The following LAYN variants were observed in gnomAD, a reference collection of about 807,000 sequenced individuals.
LAYN encodes the protein layilin.
LAYN carries 38 observed loss-of-function variants against 43.6 expected under a neutral mutation model. The observed-to-expected ratio is 0.87, with a 90% confidence interval of 0.67 to 1.14. LAYN has a LOEUF of 1.14. LAYN is among the 50% of genes most tolerant of loss of function. LAYN has a pLI of 0.00. For missense variants in LAYN, 479 were observed against 463.8 expected (o/e 1.03, Z -0.30); for synonymous variants, 168 against 172.9 (o/e 0.97, Z 0.22).
rs745801895 is a variant in LAYN, at chr11:111,557,552, A to G, written c.670A>G (p.Asn224Asp). The change falls in exon 6 of 7, where the codon AAT becomes GAT. Residue 224 changes from asparagine (N) to aspartate (D), a missense_variant. Physicochemically the swap from Asn to Asp is conservative, Grantham distance 23 (BLOSUM62 1). Transcript: ENST00000375614. ...TTCTTTCTTTTCAGAAGCTGCCTTG[A>G]ATCTGGCCTACATCCTAATCCCCAG... ...TFKESREAAL[N>D]LAYILIPSIP... 1.2e-6 allele frequency: 2 copies of G among 1,613,838 alleles called. No individual in the cohort carries two copies. Among genetic ancestry groups the G allele is most frequent in the Non-Finnish European group, 1.7e-6 (2 of 1,179,740 alleles).
chr11:111,555,336 T>C (rs768329774), intron 5 of LAYN, 46 bp downstream of exon 5: 319 of 1,350,886 alleles, frequency 2.4e-4, no homozygotes, highest in Non-Finnish European at 3.3e-4. Flanking sequence ...CAGGCTCCCT[T>C]GATTACAAAT....
chr11:111,560,002 C>A, intron 6 of LAYN, 93 bp from the exon 7 acceptor site: 7 of 1,452,658 alleles, frequency 4.8e-6, no homozygotes, highest in Non-Finnish European at 6.5e-6. Context: ...GGGTGACTGC[C>A]CAGGGCTGCT....
chr11:111,541,411 C>T (rs1867535966), intron 1 of LAYN: 3 of 713,684 alleles, frequency 4.2e-6, no homozygotes, highest in Non-Finnish European at 7.4e-6. Context: ...CCTGTTACTC[C>T]TCGTCTCTTC....
At chr11:111,546,797 CTAG>C (rs1867655950) in intron 2 of LAYN, among the ~76,000 whole-genome samples, 1 of 152,164 alleles carries the variant, frequency 6.6e-6, no homozygotes, top group African/African-American at 2.4e-5. Flanking sequence ...TGCTCCTTGC[CTAG>C]TAGCCAGCCA....
At chr11:111,541,582 G>T (rs776127262) in intron 1 of LAYN, 2 of 1,536,256 alleles carry the variant, frequency 1.3e-6, no homozygotes, top group Non-Finnish European at 1.7e-6. Flanking sequence ...GGACCTCAGA[G>T]GAGGTAAAGT....
Position 111,560,143 on chromosome 11 carries a change from G to T in LAYN, c.810G>T (p.Trp270Cys), listed in dbSNP as rs779486230. ...DPSTKKQHTIWPSPHQGNSPD... is the reference protein window; with the variant it reads ...DPSTKKQHTICPSPHQGNSPD... ...GCACAAAGAAGCAACACACCATCTG[G>T]CCCTCTCCTCACCAGGGAAACAGCC... The change falls in exon 7 of 7, where the codon TGG (tryptophan) becomes TGT (cysteine). Residue 270 changes from tryptophan (W) to cysteine (C), a missense_variant. Physicochemically the swap from Trp to Cys is radical, Grantham distance 215. Transcript: ENST00000375614. The T allele has an allele frequency of 1.9e-6, 3 of 1,614,132 alleles. No individual in the cohort carries two copies. The highest frequency in any genetic ancestry group is 1.7e-6 in the Non-Finnish European group (2 of 1,180,004).
intron 2 of LAYN, among the ~76,000 whole-genome samples, chr11:111,545,333 C>A (rs1439879699): frequency 6.6e-6 from 1 of 152,196 alleles, no homozygotes; most frequent in Non-Finnish European, 1.5e-5. Flanking sequence ...CCCTTACCGT[C>A]TGCTGGTCTC....
At position 111,549,768 on chromosome 11, in the gene LAYN, T is replaced by C. The variant is rs1487924460; in HGVS notation, c.534T>C (p.Tyr178=). 14 of 1,602,374 alleles carry C rather than the reference T, an allele frequency of 8.7e-6. No individual in the cohort carries two copies. Among genetic ancestry groups the C allele is most frequent in the Non-Finnish European group, 1.1e-5 (13 of 1,175,682 alleles). The change falls in exon 3 of 7, where the codon TAT becomes TAC. Residue 178 remains tyrosine, a synonymous_variant. Coordinates refer to ENST00000375614, the MANE Select transcript of LAYN (RefSeq NM_178834.5). ...CNMKNNFICK[Y]SDEKPAVPSR... The stretch of plus-strand genomic sequence containing the variant: ...TGAAGAACAATTTCATTTGCAAATA[T>C]TCTGATGGTAATGAATCCTCTCCCA...
At position 111,553,620 on chromosome 11, in the gene LAYN, TAA is replaced by T. The variant is rs146406195; in HGVS notation, c.542-927_542-926del. Among the ~76,000 whole-genome samples the T allele has an allele frequency of 8.3e-3, 1,068 of 127,976 alleles. 18 individuals are homozygous for T. The highest frequency in any genetic ancestry group is 0.028 in the African/African-American group (976 of 34,978). 84.0% of individuals were successfully genotyped at this position (127,976 alleles called of 152,430 possible). On this transcript the variant is annotated intron_variant, in intron 3 of 6. Transcript: ENST00000375614. ...GGTGACAGAGCAAGACTCTCTCACA[TAA>T]AAAAAAAAAAAAACAACACTTAGAA... is the stretch of plus-strand genomic sequence containing the variant.
At position 111,540,948 on chromosome 11, in the gene LAYN, CG is replaced by C; in HGVS notation, c.85+25del. On this transcript the variant is annotated intron_variant, in intron 1 of 6. Coordinates refer to ENST00000375614, the MANE Select transcript of LAYN (RefSeq NM_178834.5). ...TGAGTGGTGAGTGCGCGCGCTGGGG[CG>C]GGGGCTGGTGCCGGGGTGGGCTCAC... The C allele has an allele frequency of 1.5e-6, 2 of 1,357,942 alleles. No homozygotes were observed. Among genetic ancestry groups the C allele is most frequent in the Non-Finnish European group, 2.0e-6 (2 of 988,666 alleles). 84.1% of individuals were successfully genotyped at this position (1,357,942 alleles called of 1,614,324 possible).
chr11:111,558,616 ACT>A lies in LAYN; in HGVS notation c.761+978_761+979del, dbSNP rs762962989. Among the ~76,000 whole-genome samples, 17 of 151,492 alleles carry A rather than the reference ACT, an allele frequency of 1.1e-4. No homozygotes were observed. In the South Asian group the frequency reaches 3.6e-3, roughly 32 times the overall value. On this transcript the variant is annotated intron_variant, in intron 6 of 6. Coordinates refer to ENST00000375614, the MANE Select transcript of LAYN (RefSeq NM_178834.5). Reference sequence around the variant, plus strand: ...AGTTGGTTCTTGATTTCCTTTCCTGACTCTCTGTTTTGTACTTTAACAGGATT... The same window carrying A: ...AGTTGGTTCTTGATTTCCTTTCCTGACTCTGTTTTGTACTTTAACAGGATT...
At chr11:111,545,559 G>A (rs1219099330) in intron 2 of LAYN, among the ~76,000 whole-genome samples, 2 of 152,122 alleles carry the variant, frequency 1.3e-5, no homozygotes, top group Admixed American at 6.5e-5. Flanking sequence ...CTTTCCTCCT[G>A]CCAAAACAAT....
chr11:111,548,001 A>G (rs1015300498), intron 2 of LAYN, among the ~76,000 whole-genome samples: 14 of 152,288 alleles, frequency 9.2e-5, no homozygotes, highest in Non-Finnish European at 1.9e-4. Context: ...CCAACTAAAA[A>G]TATGTCTGTT....
At chr11:111,544,401 T>C (rs188432167) in intron 2 of LAYN, among the ~76,000 whole-genome samples, 181 bp downstream of exon 2, 1 of 152,318 alleles carries the variant, frequency 6.6e-6, no homozygotes, top group Non-Finnish European at 1.5e-5. Context: ...AGCCTTGATT[T>C]GGGCCCAACT....
At chr11:111,546,788 G>T (rs758375495) in intron 2 of LAYN, among the ~76,000 whole-genome samples, 6 of 152,156 alleles carry the variant, frequency 3.9e-5, no homozygotes, top group African/African-American at 9.7e-5. Flanking sequence ...GGTCTCTGGT[G>T]CTCCTTGCCT....
rs527550420 is a variant in LAYN at position 111,554,668 on chromosome 11, T to C, written c.574+75T>C. ...CTCTTCACAGGTTTAAAGCCCTATG[T>C]CCTTTGGACTGGATTATTCAACAGA... On this transcript the variant is annotated intron_variant, in intron 4 of 6. Coordinates refer to ENST00000375614, the MANE Select transcript of LAYN (RefSeq NM_178834.5). 32 of 1,272,910 alleles carry C rather than the reference T, an allele frequency of 2.5e-5. 1 individual carries two copies. The South Asian group carries it at 3.9e-4, about 15-fold the overall frequency. The allele number at this position is 1,272,910 out of a possible 1,614,324, so 78.9% of individuals were successfully genotyped here. A position where few individuals can be genotyped will look rare whatever the true frequency, so the allele number is the denominator to read the frequency against.
rs182940323 is a variant in LAYN at position 111,544,351 on chromosome 11, C to A, written c.383+131C>A. On this transcript the variant is annotated intron_variant, in intron 2 of 6. Coordinates refer to ENST00000375614, the MANE Select transcript of LAYN (RefSeq NM_178834.5). ...CAGATCTCTGAAGGGAAAGTAGCAC[C>A]AGAATAGCTGCTGACCTAAGCAGTG... The A allele has an allele frequency of 8.6e-5, 76 of 888,024 alleles. No homozygotes were observed. In the African/African-American group the frequency reaches 1.2e-3, roughly 14 times the overall value. The allele number at this position is 888,024 out of a possible 1,614,324, so 55.0% of individuals were successfully genotyped here.
At chr11:111,541,406 T>TA in intron 1 of LAYN, 1 of 694,928 alleles carries the variant, frequency 1.4e-6, no homozygotes, top group Non-Finnish European at 2.5e-6. Flanking sequence ...CCCTGCCTGT[T>TA]ACTCCTCGTC....
Position 111,555,265 on chromosome 11 carries a change from C to T in LAYN, c.633C>T (p.Ala211=). ...CAGAAGAAACACAGGAAGAAGATGC[C>T]AAAAAAACATTTAAAGAAAGTAGAG... The part of the protein sequence containing the change: ...VLPEETQEED[A]KKTFKESREA... Residue 211 remains alanine, a synonymous_variant, in exon 5 of 7, where the codon GCC becomes GCT. Transcript: ENST00000375614. The T allele has an allele frequency of 6.2e-7, 1 of 1,612,896 alleles. No homozygotes were observed. Among genetic ancestry groups the T allele is most frequent in the East Asian group, 2.2e-5 (1 of 44,834 alleles).
Sources: gnomAD v4.1 joint callset for allele counts (sites outside exome capture counted in the v4.1 genomes callset) on GRCh38, gnomAD v4.1.1 for gene constraint, MANE v1.5 for transcripts, NCBI Gene and HGNC (gene_info 2026-07-23, HGNC 2026-07-21) for gene names.